Variants in COL4A3 observed in about 807,000 individuals in gnomAD.
COL4A3 encodes the protein collagen alpha-3(IV) chain.
COL4A3 carries 135 observed loss-of-function variants against 217.4 expected under a neutral mutation model. That is an observed-to-expected ratio of 0.62 (90% confidence interval 0.54 to 0.72). The LOEUF is 0.72. Ranked by LOEUF, COL4A3 falls within the 30% of genes least tolerant of loss-of-function variation. The probability of loss-of-function intolerance (pLI) is 0.00; values close to 1 mark genes in which losing one functional copy is unlikely to be tolerated. For synonymous variants in COL4A3, 690 were observed against 736.3 expected, an observed-to-expected ratio of 0.94 and a Z score of 1.02; for missense variants, 1,868 against 2,119.9, an observed-to-expected ratio of 0.88 and a Z score of 2.33.
intron 1 of COL4A3, among the ~76,000 whole-genome samples, chr2:227,199,482 A>C (rs1488034226): frequency 6.6e-6 from 1 of 152,230 alleles, no homozygotes; most frequent in African/African-American, 2.4e-5. Context: ...TGCAACTAAG[A>C]CTGGATCAAA....
At chr2:227,187,226 C>T (rs1384911141) in intron 1 of COL4A3, among the ~76,000 whole-genome samples, 9 of 152,284 alleles carry the variant, frequency 5.9e-5, no homozygotes, top group Non-Finnish European at 1.3e-4. Flanking sequence ...ATTCCAGCAA[C>T]CTTTCAGATA....
chr2:227,285,375 AT>A (rs2072257368), intron 34 of COL4A3, among the ~76,000 whole-genome samples: 1 of 151,142 alleles, frequency 6.6e-6, no homozygotes, highest in Admixed American at 6.6e-5. Flanking sequence ...AAGGCCTTCT[AT>A]GTACATAGTC....
At chr2:227,214,080 T>G (rs1176582047) in intron 1 of COL4A3, among the ~76,000 whole-genome samples, 1 of 152,110 alleles carries the variant, frequency 6.6e-6, no homozygotes, top group Non-Finnish European at 1.5e-5. Context: ...CTGAAGTAAA[T>G]TGGAGTCCAC....
chr2:227,259,962 T>C, intron 19 of COL4A3, 85 bp downstream of exon 19: 1 of 967,126 alleles, frequency 1.0e-6, no homozygotes, highest in East Asian at 2.4e-5. Flanking sequence ...GCTTATGGAA[T>C]TGACATGGGT....
chr2:227,302,316 G>C (rs1251887999), intron 43 of COL4A3, among the ~76,000 whole-genome samples: 1 of 152,176 alleles, frequency 6.6e-6, no homozygotes, highest in Non-Finnish European at 1.5e-5. Context: ...TAGTGAGAAT[G>C]AAGCTTAGGT....
chr2:227,246,377 C>T (rs2069338895), intron 6 of COL4A3: 4 of 508,220 alleles, frequency 7.9e-6, no homozygotes, highest in Non-Finnish European at 1.4e-5. Flanking sequence ...ACTGAGCTCT[C>T]CTTTTCTCCA....
intron 1 of COL4A3, among the ~76,000 whole-genome samples, chr2:227,192,128 A>G (rs1375808891): frequency 6.6e-6 from 1 of 152,228 alleles, no homozygotes; most frequent in Non-Finnish European, 1.5e-5. Context: ...CAGAGTATAA[A>G]CGGTAATTAT....
chr2:227,167,660 C>T (rs761527199), intron 1 of COL4A3, among the ~76,000 whole-genome samples: 45 of 152,108 alleles, frequency 3.0e-4, no homozygotes, highest in Admixed American at 8.5e-4. Context: ...GCCTTCTCAC[C>T]GGGCTTCATT....
At chr2:227,249,230 A>ATATATATATATATATTTTTTTTTTT in intron 9 of COL4A3, among the ~76,000 whole-genome samples, 2 of 14,688 alleles carry the variant, frequency 1.4e-4, no homozygotes, top group African/African-American at 2.7e-4. Context: ...ATATATATAT[A>ATATATATATATATATTTTTTTTTTT]TTTTTTTTTT....
chr2:227,270,920 G>C lies in COL4A3; in HGVS notation c.1726G>C (p.Val576Leu). 2 of 1,614,148 alleles carry C rather than the reference G, an allele frequency of 1.2e-6. No individual in the cohort carries two copies. Among genetic ancestry groups the C allele is most frequent in the Non-Finnish European group, 1.7e-6 (2 of 1,180,026 alleles). Residue 576 changes from valine (V) to leucine (L), a missense_variant, in exon 25 of 52, where the codon GTG becomes CTG. Transcript: ENST00000396578. ...GLDGIPGTPG[V>L]KGLPGPKGEL... ...GGATGGAATTCCTGGAACTCCGGGA[G>C]TGAAAGGATTACCAGGACCTAAAGG...
chr2:227,254,452 C>T (rs2070020913), intron 14 of COL4A3, among the ~76,000 whole-genome samples: 1 of 152,162 alleles, frequency 6.6e-6, no homozygotes, highest in Non-Finnish European at 1.5e-5. Flanking sequence ...CAATGCCACC[C>T]ATCCTATGAC....
At chr2:227,260,195 T>C (rs1035321037) in intron 19 of COL4A3, 5 of 481,908 alleles carry the variant, frequency 1.0e-5, no homozygotes, top group Non-Finnish European at 2.0e-5. Context: ...AAGGGAAAAA[T>C]GGAGACCGCG....
In COL4A3 at chr2:227,294,489, G is replaced by A. The variant is rs1344548642; in HGVS notation, c.3338-1G>A. 6.2e-7 allele frequency: 1 copy of A among 1,606,424 alleles called. No individual in the cohort carries two copies. The highest frequency in any genetic ancestry group is 1.3e-5 in the African/African-American group (1 of 74,744). The stretch of plus-strand genomic sequence containing the variant: ...CTTCCTTCCCCTCTCTTCATTTCCA[G>A]GAAAGCCAGGTCCTCATGGTGATTT... On this transcript the variant is annotated splice_acceptor_variant, in intron 38 of 51. Transcript: ENST00000396578. LOFTEE classifies it high-confidence loss of function.
intron 26 of COL4A3, 76 bp downstream of exon 26, chr2:227,273,193 A>G (rs2071348615): frequency 1.4e-6 from 2 of 1,476,820 alleles, no homozygotes; most frequent in Admixed American, 1.7e-5. Context: ...AAGCTTCTCC[A>G]AGACTAAGGA....
chr2:227,213,985 T>C (rs991449506), intron 1 of COL4A3, among the ~76,000 whole-genome samples: 1 of 151,642 alleles, frequency 6.6e-6, no homozygotes, highest in Non-Finnish European at 1.5e-5. Flanking sequence ...ACAATGCATA[T>C]TAGGAATCAG....
At chr2:227,197,203 T>C (rs2066514530) in intron 1 of COL4A3, among the ~76,000 whole-genome samples, 1 of 148,980 alleles carries the variant, frequency 6.7e-6, no homozygotes. Flanking sequence ...ACGGTTTTTT[T>C]GTTTTGTTTT....
chr2:227,222,256 G>C (rs1334803908), intron 1 of COL4A3: 3 of 151,986 alleles, frequency 2.0e-5, no homozygotes, highest in African/African-American at 7.3e-5. Flanking sequence ...CCCTGAGCTT[G>C]CTATCTTTCA....
intron 1 of COL4A3, among the ~76,000 whole-genome samples, chr2:227,179,863 A>C (rs2065813813): frequency 6.6e-6 from 1 of 152,188 alleles, no homozygotes; most frequent in Admixed American, 6.5e-5. Flanking sequence ...GGAAAAGCAA[A>C]CTTTGAGTGG....
In COL4A3 at chr2:227,314,446, C is replaced by T. The variant is rs1445107612; in HGVS notation, c.*2576C>T. 1 of 152,526 alleles carries T rather than the reference C, an allele frequency of 6.6e-6. No individual in the cohort carries two copies. The highest frequency in any genetic ancestry group is 1.5e-5 in the Non-Finnish European group (1 of 68,010). 9.4% of individuals were successfully genotyped at this position (152,526 alleles called of 1,614,324 possible). On this transcript the variant is annotated 3_prime_UTR_variant, in exon 52 of 52. Transcript: ENST00000396578. ...GTAAACTGTTTCTTTAAAATTGGGG[C>T]TTCAACTTTGGAATTTCACAGCGTG...
Sources: gnomAD v4.1 joint callset for allele counts (sites outside exome capture counted in the v4.1 genomes callset) on GRCh38, gnomAD v4.1.1 for gene constraint, MANE v1.5 for transcripts, NCBI Gene and HGNC (gene_info 2026-07-23, HGNC 2026-07-21) for gene names.